Variants in OBI1 observed in about 807,000 individuals in gnomAD.
OBI1 encodes ORC ubiquitin ligase 1.
Under a neutral mutation model 62.4 loss-of-function variants are expected in OBI1, and 59 were observed. The ratio of observed to expected loss-of-function variants is 0.95; its 90% CI spans 0.77 to 1.17. The LOEUF (loss-of-function observed/expected upper bound fraction) is 1.17, where lower values mean the gene tolerates loss of function less well. OBI1 is among the 50% of genes most tolerant of loss of function. OBI1 has a pLI of 0.00. For synonymous variants in OBI1, 302 were observed against 292.8 expected, an observed-to-expected ratio of 1.03 and a Z score of -0.32; for missense variants, 875 against 830.9, an observed-to-expected ratio of 1.05 and a Z score of -0.65.
intron 1 of OBI1, among the ~76,000 whole-genome samples, chr13:78,653,568 T>C (rs1876608061): frequency 6.6e-6 from 1 of 152,336 alleles, no homozygotes; most frequent in South Asian, 2.1e-4. Context: ...AAGAAACAGT[T>C]CTTTCTTCCT....
chr13:78,622,279 CA>C (rs111480776), intron 5 of OBI1, among the ~76,000 whole-genome samples: 259 of 147,648 alleles, frequency 1.8e-3, no homozygotes, highest in African/African-American at 5.8e-3. Context: ...CATGTCTCTC[CA>C]AAAAAAAAAA....
At chr13:78,633,172 A>G (rs1049836675) in intron 5 of OBI1, among the ~76,000 whole-genome samples, 2 of 152,220 alleles carry the variant, frequency 1.3e-5, no homozygotes, top group African/African-American at 4.8e-5. Context: ...CAAGCTGCCA[A>G]TAAATGATAG....
At chr13:78,654,122 C>T (rs1876627573) in intron 1 of OBI1, among the ~76,000 whole-genome samples, 1 of 150,902 alleles carries the variant, frequency 6.6e-6, no homozygotes, top group African/African-American at 2.4e-5. Flanking sequence ...AGAGATGATA[C>T]ATCTCTTCTC....
intron 5 of OBI1, chr13:78,620,485 T>C (rs1031222543): frequency 3.1e-5 from 11 of 349,796 alleles, no homozygotes; most frequent in African/African-American, 1.1e-4. Context: ...AAAGGCTTCA[T>C]TGTGCCAGAA....
At chr13:78,658,795 G>A (rs1876790661) in intron 1 of OBI1, among the ~76,000 whole-genome samples, 1 of 152,182 alleles carries the variant, frequency 6.6e-6, no homozygotes, top group South Asian at 2.1e-4. Context: ...GCGGTGGCAG[G>A]GCCGTCTCGC....
At chr13:78,645,420 ACT>A (rs1256540293) in intron 1 of OBI1, among the ~76,000 whole-genome samples, 1 of 152,190 alleles carries the variant, frequency 6.6e-6, no homozygotes, top group Non-Finnish European at 1.5e-5. Context: ...AATTCATTCC[ACT>A]GTTACAGAAT....
At position 78,615,461 on chromosome 13, in the gene OBI1, T is replaced by C. The variant is rs998566741; in HGVS notation, c.*119A>G. On this transcript the variant is annotated 3_prime_UTR_variant, in exon 6 of 6. Transcript: ENST00000282003. ...AGGTTAATCCACCATCCTGACTTGA[T>C]ACTTGACTAAAGATTATCAATTCCA... 15 of 690,092 alleles carry C rather than the reference T, an allele frequency of 2.2e-5. No individual in the cohort carries two copies. Among genetic ancestry groups the C allele is most frequent in the South Asian group, 1.6e-4 (8 of 50,988 alleles). The allele number at this position is 690,092 out of a possible 1,614,324, so 42.7% of individuals were successfully genotyped here.
chr13:78,615,754 C>A lies in OBI1; in HGVS notation c.2007G>T (p.Gly669=), dbSNP rs779160626. The A allele has an allele frequency of 6.2e-7, 1 of 1,613,918 alleles. No homozygotes were observed. The highest frequency in any genetic ancestry group is 8.5e-7 in the Non-Finnish European group (1 of 1,179,964). ...CTGAGGACATCTTAAACAAAGATGA[C>A]CCAAATCTTTGATCTTCAAATAGTC... The part of the protein sequence containing the change: ...SHRLFEDQRF[G]SSLFKMSSEM... Residue 669 remains glycine (G), a synonymous_variant, in exon 6 of 6, where the codon GGG becomes GGT. Coordinates refer to ENST00000282003, the MANE Select transcript of OBI1 (RefSeq NM_024546.4).
intron 5 of OBI1, among the ~76,000 whole-genome samples, chr13:78,632,024 G>A (rs1875867001): frequency 6.6e-6 from 1 of 152,048 alleles, no homozygotes; most frequent in South Asian, 2.1e-4. Context: ...GTATCTGTTG[G>A]AGCATCTTAG....
rs1364181837 is a variant in OBI1 at position 78,616,336 on chromosome 13, G to T, written c.1425C>A (p.Ala475=). The T allele has an allele frequency of 1.2e-6, 2 of 1,613,880 alleles. No individual in the cohort carries two copies. The highest frequency in any genetic ancestry group is 1.7e-6 in the Non-Finnish European group (2 of 1,179,942). Reference sequence around the variant, plus strand: ...CTGAACTTTCAAAATCTAAGTTTTGGGCATAGCTTGTGGAACAACAGTCCC... The same window carrying T: ...CTGAACTTTCAAAATCTAAGTTTTGTGCATAGCTTGTGGAACAACAGTCCC... ...GFWDCCSTSY[A]QNLDFESSEG... The change falls in exon 6 of 6, where the codon GCC becomes GCA. Residue 475 remains alanine (A), a synonymous_variant. Transcript: ENST00000282003.
intron 5 of OBI1, among the ~76,000 whole-genome samples, chr13:78,623,915 A>C (rs1051267954): frequency 1.3e-5 from 2 of 152,238 alleles, no homozygotes; most frequent in Non-Finnish European, 2.9e-5. Flanking sequence ...CTTGCATGAA[A>C]GTACAGCATT....
intron 2 of OBI1, among the ~76,000 whole-genome samples, chr13:78,642,863 G>A (rs1876259963): frequency 6.6e-6 from 1 of 151,422 alleles, no homozygotes; most frequent in African/African-American, 2.4e-5. Flanking sequence ...CTCCAGCCTG[G>A]GCGACAAAGC....
rs1299528811 is a variant in OBI1 at position 78,615,768 on chromosome 13, C to A, written c.1993G>T (p.Asp665Tyr). Reference sequence around the variant, plus strand: ...AACAAAGATGACCCAAATCTTTGATCTTCAAATAGTCGATGTGAACTGCTT... The same window carrying A: ...AACAAAGATGACCCAAATCTTTGATATTCAAATAGTCGATGTGAACTGCTT... ...LLSSSHRLFE[D>Y]QRFGSSLFKM... is the part of the protein sequence containing the mutation. The change falls in exon 6 of 6, where the codon GAT (aspartate) becomes TAT (tyrosine). Residue 665 changes from aspartate to tyrosine, a missense_variant. Transcript: ENST00000282003. The A allele has an allele frequency of 8.7e-6, 14 of 1,613,884 alleles. No homozygotes were observed. The highest frequency in any genetic ancestry group is 1.3e-5 in the African/African-American group (1 of 75,020).
In OBI1 at chr13:78,633,902, C is replaced by T. The variant is rs374989599; in HGVS notation, c.638+1208G>A. On this transcript the variant is annotated intron_variant, in intron 5 of 5. Transcript: ENST00000282003. ...CTAACACGGTGAAACCCCGTCTCTA[C>T]TAAAAATACAAAAAATTAGCCGGGC... Among the ~76,000 whole-genome samples, 1,199 of 151,918 alleles carry T rather than the reference C, an allele frequency of 7.9e-3. 11 individuals carry two copies. The highest frequency in any genetic ancestry group is 0.033 in the South Asian group (159 of 4,810).
In OBI1 at chr13:78,616,082, T is replaced by C; in HGVS notation, c.1679A>G (p.Lys560Arg). Residue 560 changes from lysine to arginine, a missense_variant, in exon 6 of 6, where the codon AAG becomes AGG. Lys to Arg is a conservative substitution (Grantham distance 26, BLOSUM62 2). Transcript: ENST00000282003. ...NSKSPCNNGF[K>R]SLDLDGLSKS... ...TGATAACCCATCCAAATCCAGTGAC[T>C]TAAAACCGTTATTACAAGGGCTCTT... The C allele has an allele frequency of 6.2e-7, 1 of 1,614,182 alleles. No homozygotes were observed. Among genetic ancestry groups the C allele is most frequent in the Non-Finnish European group, 8.5e-7 (1 of 1,180,034 alleles).
chr13:78,655,461 A>G (rs550045358), intron 1 of OBI1, among the ~76,000 whole-genome samples: 1 of 152,342 alleles, frequency 6.6e-6, no homozygotes, highest in East Asian at 1.9e-4. Context: ...TGGCAAAGTA[A>G]CTAAAAACAT....
chr13:78,642,299 C>CTG, intron 2 of OBI1, 86 bp from the exon 3 acceptor site: 1 of 823,114 alleles, frequency 1.2e-6, no homozygotes, highest in Non-Finnish European at 2.0e-6. Context: ...TTTTATATAG[C>CTG]TTCCCAGCTT....
intron 5 of OBI1, 43 bp from the exon 6 acceptor site, chr13:78,617,165 T>C: frequency 6.8e-7 from 1 of 1,477,420 alleles, no homozygotes; most frequent in Non-Finnish European, 9.1e-7. Flanking sequence ...ACTCAAGCTT[T>C]TTTCTTTTCA....
At position 78,654,926 on chromosome 13, in the gene OBI1, T is replaced by C. The variant is rs143430925; in HGVS notation, c.72+4123A>G. 1.4e-4 allele frequency among the ~76,000 whole-genome samples: 15 copies of C among 105,018 alleles called. No individual in the cohort carries two copies. The East Asian group carries it at 4.5e-3, about 32-fold the overall frequency. 68.9% of individuals were successfully genotyped at this position (105,018 alleles called of 152,430 possible). ...CACCTACATTCCAATCCCAATTTCA[T>C]TCTCCCCCAAATGTTTTCAAAATAC... On this transcript the variant is annotated intron_variant, in intron 1 of 5. Transcript: ENST00000282003.
Sources: allele counts gnomAD v4.1 joint callset (sites outside exome capture counted in the v4.1 genomes callset), GRCh38; gene constraint gnomAD v4.1.1; transcripts MANE v1.5; gene names NCBI Gene and HGNC (gene_info 2026-07-23, HGNC 2026-07-21).